The following ANKRD36B variants were observed in gnomAD, a reference collection of about 807,000 sequenced individuals.
ANKRD36B encodes ankyrin repeat domain-containing protein 36B.
In ANKRD36B, 37 loss-of-function variants were observed where a neutral mutation model predicts 135.7. That is an observed-to-expected ratio of 0.27 (90% CI 0.21 to 0.36). The LOEUF (loss-of-function observed/expected upper bound fraction) is 0.36. ANKRD36B is among the 10% of genes least tolerant of loss of function. The pLI, the probability that ANKRD36B is intolerant of heterozygous loss-of-function variation, is 1.00. For missense variants in ANKRD36B, 549 were observed against 1,037.1 expected (o/e 0.53, Z 6.46); for synonymous variants, 179 against 348.1 (o/e 0.51, Z 5.41).
intron 6 of ANKRD36B, among the ~76,000 whole-genome samples, chr2:97,568,092 ATAT>A (rs536960960): frequency 3.2e-4 from 49 of 152,202 alleles, no homozygotes; most frequent in Non-Finnish European, 5.1e-4. Flanking sequence ...TTACCATTAG[ATAT>A]TATTAATCTC....
intron 22 of ANKRD36B, among the ~76,000 whole-genome samples, chr2:97,546,798 C>G (rs183743086): frequency 5.3e-5 from 8 of 151,650 alleles, no homozygotes; most frequent in African/African-American, 2.4e-5. Flanking sequence ...AACAAGGAAG[C>G]AAATTTATTC....
rs1185473257 is a variant in ANKRD36B at position 97,533,766 on chromosome 2, A to T, written c.2192-1382T>A. Among the ~76,000 whole-genome samples, 5 of 95,720 alleles carry T rather than the reference A, an allele frequency of 5.2e-5. 2 individuals carry two copies. The highest frequency in any genetic ancestry group is 4.6e-4 in the Admixed American group (5 of 10,818). 62.8% of individuals were successfully genotyped at this position (95,720 alleles called of 152,430 possible). On this transcript the variant is annotated intron_variant, in intron 34 of 43. Coordinates refer to ENST00000359901, the MANE Select transcript of ANKRD36B (RefSeq NM_001393939.1). Reference sequence around the variant, plus strand: ...AGAAGATATGTAAACCACATCAAAAATAGTGTATAGGCTGGGTGTGGTGGC... The same window carrying T: ...AGAAGATATGTAAACCACATCAAAATTAGTGTATAGGCTGGGTGTGGTGGC...
rs1272388773 is a variant in ANKRD36B, at chr2:97,536,377, A to G, written c.2119-5T>C. On this transcript the variant is annotated splice_polypyrimidine_tract_variant and splice_region_variant and intron_variant, in intron 33 of 43. Coordinates refer to ENST00000359901, the MANE Select transcript of ANKRD36B (RefSeq NM_001393939.1). ...ATCTTTATTTTCAATTGTAGCCTGA[A>G]TGGGTTTTAAAACAAAGTGATTAGC... The G allele has an allele frequency of 3.2e-6, 3 of 932,024 alleles. No homozygotes were observed. The African/African-American group carries it at 5.1e-5, about 16-fold the overall frequency. The allele number at this position is 932,024 out of a possible 1,614,324, so 57.7% of individuals were successfully genotyped here.
At chr2:97,551,090 G>T (rs565592106) in intron 18 of ANKRD36B, among the ~76,000 whole-genome samples, 199 bp downstream of exon 18, 102 of 151,852 alleles carry the variant, frequency 6.7e-4, no homozygotes, top group Non-Finnish European at 1.1e-3. Context: ...TTGCAATGTG[G>T]GGATGTGTAT....
intron 1 of ANKRD36B, among the ~76,000 whole-genome samples, chr2:97,588,051 T>C (rs934266144): frequency 6.6e-6 from 1 of 151,616 alleles, no homozygotes; most frequent in African/African-American, 2.4e-5. Flanking sequence ...ATTTTTTTTA[T>C]TTTGCTAAAT....
intron 1 of ANKRD36B, among the ~76,000 whole-genome samples, chr2:97,586,417 AGG>A (rs1370354928): frequency 8.0e-5 from 12 of 150,580 alleles, no homozygotes; most frequent in Non-Finnish European, 1.5e-4. Context: ...AAAAAAAAAA[AGG>A]AATAAAAGAT....
rs1187229608 is a variant in ANKRD36B, at chr2:97,551,316, T to G, written c.1348A>C (p.Lys450Gln). ...KDSFSNITRE[K>Q]KDGEISRTVS... The stretch of plus-strand genomic sequence containing the variant: ...GTCCTAGATATTTCTCCATCCTTTT[T>G]TTCTCTGGTTATATTCGAAAAAGAA... The change falls in exon 18 of 44, where the codon AAA (lysine) becomes CAA (glutamine). Residue 450 changes from lysine to glutamine, a missense_variant. Lys to Gln is a moderately conservative substitution (Grantham distance 53). Coordinates refer to ENST00000359901, the MANE Select transcript of ANKRD36B (RefSeq NM_001393939.1). The G allele has an allele frequency of 1.3e-6, 2 of 1,575,046 alleles. No individual in the cohort carries two copies. Among genetic ancestry groups the G allele is most frequent in the South Asian group, 2.3e-5 (2 of 87,422 alleles).
intron 12 of ANKRD36B, among the ~76,000 whole-genome samples, chr2:97,556,097 T>G (rs974089525): frequency 4.6e-5 from 7 of 151,944 alleles, no homozygotes; most frequent in African/African-American, 1.7e-4. Context: ...GCAAAATTAG[T>G]CTACTCTGGA....
intron 22 of ANKRD36B, among the ~76,000 whole-genome samples, chr2:97,547,007 C>T (rs1390194685): frequency 6.6e-6 from 1 of 151,660 alleles, no homozygotes; most frequent in Non-Finnish European, 1.5e-5. Flanking sequence ...AGTGAGTTCA[C>T]TCAGGTTTCC....
intron 34 of ANKRD36B, among the ~76,000 whole-genome samples, chr2:97,534,629 T>C (rs1264815274): frequency 1.0e-5 from 1 of 96,748 alleles, no homozygotes; most frequent in African/African-American, 3.1e-5. Flanking sequence ...TACAATGAGG[T>C]ATCATCTCAC....
chr2:97,549,441 C>T lies in ANKRD36B; in HGVS notation c.1455G>A (p.Lys485=). 11 of 1,577,542 alleles carry T rather than the reference C, an allele frequency of 7.0e-6. No homozygotes were observed. The highest frequency in any genetic ancestry group is 1.1e-5 in the South Asian group (1 of 87,452). ...TACCTGTCCTAGATTTTTCTCCATC[C>T]TTTTTTTCTCTGGCTATATTCAAAA... ...DSVLNIAREK[K]DGEKSRTVSF... Residue 485 remains lysine (K), a synonymous_variant, in exon 20 of 44, where the codon AAG becomes AAA. Transcript: ENST00000359901.
chr2:97,563,226 C>T (rs866258785), intron 6 of ANKRD36B, among the ~76,000 whole-genome samples: 1 of 151,706 alleles, frequency 6.6e-6, no homozygotes, highest in Non-Finnish European at 1.5e-5. Context: ...TCAGAAATAA[C>T]TTGTGAAGAC....
In ANKRD36B at chr2:97,558,820, C is replaced by G. The variant is rs12992303; in HGVS notation, c.946G>C (p.Glu316Gln). The G allele has an allele frequency of 1.9e-6, 3 of 1,609,268 alleles. No homozygotes were observed. The highest frequency in any genetic ancestry group is 1.7e-5 in the Admixed American group (1 of 59,674). Residue 316 changes from glutamate (E) to glutamine (Q), a missense_variant, in exon 10 of 44, where the codon GAG becomes CAG. Transcript: ENST00000359901. ...SVSNIATEIK[E>Q]GQQSGTVSPQ... ...TTACCTGTCCCAGATTGTTGTCCCTCCTTTATTTCTGTGGCTATATTTGAA... is the reference window on the plus strand; with the variant it reads ...TTACCTGTCCCAGATTGTTGTCCCTGCTTTATTTCTGTGGCTATATTTGAA...
rs1217676125 is a variant in ANKRD36B, at chr2:97,495,994, A to G, written c.*7-3139T>C. 2.9e-5 allele frequency among the ~76,000 whole-genome samples: 3 copies of G among 105,200 alleles called. No individual in the cohort carries two copies. In the South Asian group the frequency reaches 6.7e-4, roughly 24 times the overall value. 69.0% of individuals were successfully genotyped at this position (105,200 alleles called of 152,430 possible). A position where few individuals can be genotyped will look rare whatever the true frequency, so the allele number is the denominator to read the frequency against. On this transcript the variant is annotated intron_variant, in intron 43 of 43. Coordinates refer to ENST00000359901, the MANE Select transcript of ANKRD36B (RefSeq NM_001393939.1). ...TAGAAATGATTAATAGGGTGAGAAA[A>G]GCATGTTGAAAGCTCAGATAGGCTG...
chr2:97,564,165 TA>T (rs1046742909), intron 6 of ANKRD36B, among the ~76,000 whole-genome samples: 1 of 150,016 alleles, frequency 6.7e-6, no homozygotes, highest in East Asian at 2.0e-4. Flanking sequence ...TTGCTTTTTT[TA>T]AAAAAAAATT....
intron 43 of ANKRD36B, among the ~76,000 whole-genome samples, chr2:97,496,141 T>C (rs1399534733): frequency 4.8e-5 from 5 of 103,920 alleles, no homozygotes; most frequent in African/African-American, 1.3e-4. Context: ...AATGGTATTA[T>C]TGCTGATGTG....
chr2:97,564,409 T>C (rs547158150), intron 6 of ANKRD36B, among the ~76,000 whole-genome samples: 2 of 152,306 alleles, frequency 1.3e-5, no homozygotes, highest in Admixed American at 6.5e-5. Flanking sequence ...ATTTTGGCTT[T>C]TGTTGACATT....
intron 43 of ANKRD36B, among the ~76,000 whole-genome samples, chr2:97,494,185 A>G (rs1391863008): frequency 1.0e-5 from 1 of 100,104 alleles, no homozygotes; most frequent in Non-Finnish European, 2.7e-5. Flanking sequence ...AAAGAGCAAC[A>G]CGGAAAAACA....
At chr2:97,576,196 T>A (rs1213538940) in intron 6 of ANKRD36B, among the ~76,000 whole-genome samples, 183 bp downstream of exon 6, 1 of 150,822 alleles carries the variant, frequency 6.6e-6, no homozygotes, top group Non-Finnish European at 1.5e-5. Flanking sequence ...CAAACAATAC[T>A]GAGATTATAA....
Sources: gnomAD v4.1 joint callset for allele counts (sites outside exome capture counted in the v4.1 genomes callset) on GRCh38, gnomAD v4.1.1 for gene constraint, MANE v1.5 for transcripts, NCBI Gene and HGNC (gene_info 2026-07-23, HGNC 2026-07-21) for gene names.